GRM5: variants seen among roughly 807,000 people sequenced by gnomAD.
The protein encoded by GRM5 is glutamate metabotropic receptor 5.
Under a neutral mutation model 83.1 loss-of-function variants are expected in GRM5, and 19 were observed. The ratio of observed to expected loss-of-function variants is 0.23; its 90% CI spans 0.16 to 0.34. The LOEUF is 0.34. Among genes scored for constraint, GRM5 ranks in the 10% least tolerant of loss-of-function variants. GRM5 has a pLI of 1.00. For synonymous variants in GRM5, 675 were observed against 633.6 expected, an observed-to-expected ratio of 1.07 and a Z score of -0.98; for missense variants, 1,160 against 1,588.3, an observed-to-expected ratio of 0.73 and a Z score of 4.58.
chr11:88,654,954 A>G (rs903235753), intron 3 of GRM5, among the ~76,000 whole-genome samples: 2 of 152,066 alleles, frequency 1.3e-5, no homozygotes, highest in Non-Finnish European at 2.9e-5. Context: ...CAAATGTCAT[A>G]TATTACTTAT....
At chr11:88,614,330 T>C (rs142173197) in intron 4 of GRM5, among the ~76,000 whole-genome samples, 444 of 152,258 alleles carry the variant, frequency 2.9e-3, no homozygotes, top group African/African-American at 0.01. Flanking sequence ...AGAAAAGTCA[T>C]AGGTACATCA....
intron 2 of GRM5, among the ~76,000 whole-genome samples, chr11:88,991,161 A>G (rs1261716886): frequency 6.6e-6 from 1 of 152,186 alleles, no homozygotes; most frequent in African/African-American, 2.4e-5. Context: ...CAACTTCAGC[A>G]AAGTCTCAGG....
At chr11:88,976,371 A>G (rs1939336408) in intron 2 of GRM5, among the ~76,000 whole-genome samples, 1 of 152,084 alleles carries the variant, frequency 6.6e-6, no homozygotes, top group African/African-American at 2.4e-5. Context: ...CGAATCTACC[A>G]TTTCCTCTCC....
chr11:88,870,324 T>G (rs1401405645), intron 2 of GRM5, among the ~76,000 whole-genome samples: 1 of 151,540 alleles, frequency 6.6e-6, no homozygotes, highest in East Asian at 1.9e-4. Flanking sequence ...ATGAAAGTTA[T>G]AGAATGAAAA....
intron 3 of GRM5, among the ~76,000 whole-genome samples, chr11:88,798,820 A>AAAAAAAAAAAAAAAAAC (rs1555017418): frequency 1.0e-4 from 14 of 136,286 alleles, no homozygotes; most frequent in African/African-American, 1.9e-4. Flanking sequence ...AAAAAAAAAA[A>AAAAAAAAAAAAAAAAAC]AAAAAAACAA....
chr11:88,517,127 G>GTA (rs1941541556), intron 9 of GRM5, among the ~76,000 whole-genome samples: 1 of 91,282 alleles, frequency 1.1e-5, no homozygotes, highest in Non-Finnish European at 2.1e-5. Context: ...ATTGGCTTCT[G>GTA]TACACACACA....
At chr11:89,017,535 T>C (rs1565337315) in intron 2 of GRM5, among the ~76,000 whole-genome samples, 1 of 152,318 alleles carries the variant, frequency 6.6e-6, no homozygotes, top group South Asian at 2.1e-4. Context: ...CAGTACTTGA[T>C]ACCTATGACT....
At chr11:88,757,500 T>A (rs1045205612) in intron 3 of GRM5, among the ~76,000 whole-genome samples, 2 of 152,018 alleles carry the variant, frequency 1.3e-5, no homozygotes, top group African/African-American at 2.4e-5. Context: ...CTAGTATGGA[T>A]GACGGTGGAA....
intron 7 of GRM5, among the ~76,000 whole-genome samples, chr11:88,588,004 C>T (rs946676328): frequency 3.3e-5 from 5 of 152,040 alleles, no homozygotes; most frequent in East Asian, 1.9e-4. Context: ...TGGGAAGAAA[C>T]GATAATTACT....
At chr11:88,601,446 A>G (rs759600372) in intron 5 of GRM5, among the ~76,000 whole-genome samples, 42 of 145,750 alleles carry the variant, frequency 2.9e-4, no homozygotes, top group Non-Finnish European at 3.9e-4. Flanking sequence ...TTATCTCTCT[A>G]TTGGCTTTTA....
intron 3 of GRM5, among the ~76,000 whole-genome samples, chr11:88,844,075 T>G (rs1312914473): frequency 1.3e-5 from 2 of 152,170 alleles, no homozygotes; most frequent in African/African-American, 4.8e-5. Flanking sequence ...AGCCTTTTTT[T>G]GGAAGAAGAT....
chr11:88,978,321 G>A (rs1364806969), intron 2 of GRM5, among the ~76,000 whole-genome samples: 1 of 151,928 alleles, frequency 6.6e-6, no homozygotes, highest in Non-Finnish European at 1.5e-5. Flanking sequence ...ATGGTTTCAT[G>A]GGTGTATATT....
intron 3 of GRM5, among the ~76,000 whole-genome samples, chr11:88,784,378 C>G (rs1282429757): frequency 6.6e-6 from 1 of 152,060 alleles, no homozygotes; most frequent in East Asian, 1.9e-4. Flanking sequence ...AATAACTGAT[C>G]AATACACTCT....
At position 88,509,266 on chromosome 11, in the gene GRM5, C is replaced by A. The variant is rs977585735; in HGVS notation, c.2965G>T (p.Gly989Trp). Residue 989 changes from glycine to tryptophan, a missense_variant, in exon 10 of 10, where the codon GGG becomes TGG. Coordinates refer to ENST00000305447, the MANE Select transcript of GRM5 (RefSeq NM_001143831.3). ...GAGCAGAGPG[G>W]PESPDAGPKA... ...GGGCCGGCGTCTGGGGACTCGGGCC[C>A]GCCTGGGCCGGCGCCTGCGCAGCCC... 3.4e-6 allele frequency: 5 copies of A among 1,473,676 alleles called. No individual in the cohort carries two copies. The highest frequency in any genetic ancestry group is 1.5e-5 in the African/African-American group (1 of 67,160). The allele number at this position is 1,473,676 out of a possible 1,614,324, so 91.3% of individuals were successfully genotyped here.
intron 3 of GRM5, among the ~76,000 whole-genome samples, chr11:88,766,074 C>T (rs1942619890): frequency 6.6e-6 from 1 of 151,572 alleles, no homozygotes; most frequent in African/African-American, 2.4e-5. Flanking sequence ...TCCATACACA[C>T]ATGAAAAGAT....
intron 2 of GRM5, chr11:88,911,955 G>A (rs1362648643): frequency 1.3e-5 from 6 of 452,256 alleles, no homozygotes; most frequent in African/African-American, 2.0e-5. Context: ...ACCCAAGTAC[G>A]AAATTTTTTA....
intron 7 of GRM5, among the ~76,000 whole-genome samples, chr11:88,585,358 T>C (rs1315236911): frequency 6.6e-6 from 1 of 152,198 alleles, no homozygotes; most frequent in East Asian, 1.9e-4. Context: ...AAAATATATA[T>C]TTCCTCCCCT....
intron 3 of GRM5, among the ~76,000 whole-genome samples, chr11:88,756,368 G>A (rs745956972): frequency 6.6e-6 from 1 of 152,074 alleles, no homozygotes; most frequent in Non-Finnish European, 1.5e-5. Flanking sequence ...CAAGATTTTA[G>A]GGTCTCAGAT....
At chr11:88,631,497 T>C (rs1938969319) in intron 4 of GRM5, among the ~76,000 whole-genome samples, 1 of 152,220 alleles carries the variant, frequency 6.6e-6, no homozygotes, top group African/African-American at 2.4e-5. Context: ...CTTGAGATCC[T>C]TTCATAGGAT....
Sources: gnomAD v4.1 joint callset for allele counts (sites outside exome capture counted in the v4.1 genomes callset) on GRCh38, gnomAD v4.1.1 for gene constraint, MANE v1.5 for transcripts, NCBI Gene and HGNC (gene_info 2026-07-23, HGNC 2026-07-21) for gene names.